The following GATA4 variants were observed in gnomAD, a reference collection of about 807,000 sequenced individuals.
The protein encoded by GATA4 is transcription factor GATA-4.
In GATA4, 7 loss-of-function variants were observed where a neutral mutation model predicts 37.9. That is an observed-to-expected ratio of 0.18 (90% CI 0.11 to 0.35). GATA4 has a LOEUF of 0.35. GATA4 is among the 10% of genes least tolerant of loss of function. GATA4 has a pLI of 1.00. For synonymous variants in GATA4, 372 were observed against 292.6 expected (o/e 1.27, Z -2.77); for missense variants, 647 against 653.0 (o/e 0.99, Z 0.10).
At chr8:11,728,423 C>T (rs758439079) in intron 2 of GATA4, among the ~76,000 whole-genome samples, 3 of 152,148 alleles carry the variant, frequency 2.0e-5, no homozygotes, top group African/African-American at 2.4e-5. Flanking sequence ...GGCTGGAGTG[C>T]GGTGCTGTGA....
Position 11,709,633 on chromosome 8 carries a change from C to G in GATA4, c.616+705C>G, listed in dbSNP as rs527630321. On this transcript the variant is annotated intron_variant, in intron 2 of 6. Coordinates refer to ENST00000532059, the MANE Select transcript of GATA4 (RefSeq NM_001308093.3). This position sits in a 1 kb window ranked among gnomAD's most constrained non-coding sequence, Gnocchi z 4.3. ...CGGGAACATAGGGACCTCAAACGCG[C>G]TTGTTCATGACACCCGAGTTAAATG... Among the ~76,000 whole-genome samples, 8 of 150,404 alleles carry G rather than the reference C, an allele frequency of 5.3e-5. No individual in the cohort carries two copies. The highest frequency in any genetic ancestry group is 1.9e-4 in the African/African-American group (8 of 41,294).
chr8:11,701,244 G>GAAAAA (rs56051265), upstream of GATA4, among the ~76,000 whole-genome samples: 31 of 126,388 alleles, frequency 2.5e-4, 1 homozygote, highest in East Asian at 9.7e-4. Context: ...CAGGTTCTTA[G>GAAAAA]AAAAAAAAAA....
chr8:11,680,278 G>A (rs1585540004), intron 1 of GATA4, among the ~76,000 whole-genome samples: 1 of 152,242 alleles, frequency 6.6e-6, no homozygotes, highest in Admixed American at 6.5e-5. Flanking sequence ...TGCCGGTGGA[G>A]CAGGCTACTT....
At chr8:11,692,755 C>T (rs1799358585) in intron 1 of GATA4, 7 of 982,838 alleles carry the variant, frequency 7.1e-6, no homozygotes, top group Non-Finnish European at 8.5e-6. Flanking sequence ...AGGGCGCGGA[C>T]GGACGGGGGG....
intron 1 of GATA4, chr8:11,680,996 C>A (rs918593499): frequency 1.1e-6 from 1 of 949,202 alleles, no homozygotes; most frequent in Admixed American, 6.2e-5. Flanking sequence ...TGCAGAGAGA[C>A]CCCGCACCCC....
upstream of GATA4, chr8:11,691,871 G>C (rs1410800157): frequency 9.0e-6 from 2 of 221,628 alleles, no homozygotes; most frequent in Non-Finnish European, 1.5e-5. Flanking sequence ...GAAGAATTTA[G>C]GACCTTTCCC....
intron 2 of GATA4, among the ~76,000 whole-genome samples, chr8:11,716,922 T>A (rs1455821363): frequency 6.6e-6 from 1 of 152,258 alleles, no homozygotes; most frequent in Non-Finnish European, 1.5e-5. Context: ...TTTCCTTTCC[T>A]TGTTCCAGAA....
chr8:11,696,666 G>T (rs893290891), intron 1 of GATA4, among the ~76,000 whole-genome samples: 11 of 152,206 alleles, frequency 7.2e-5, no homozygotes, highest in African/African-American at 2.7e-4. Context: ...TAGTATATCT[G>T]CTGGGGCATG....
chr8:11,750,327 T>A, intron 4 of GATA4, 91 bp downstream of exon 4: 1 of 1,544,260 alleles, frequency 6.5e-7, no homozygotes, highest in Non-Finnish European at 8.8e-7. Flanking sequence ...CTAGCATTCA[T>A]TTTTCCTTCT....
chr8:11,705,147 C>T (rs1275829459), intron 1 of GATA4, among the ~76,000 whole-genome samples: 1 of 152,164 alleles, frequency 6.6e-6, no homozygotes, highest in Non-Finnish European at 1.5e-5. Flanking sequence ...GGTGGGGGAC[C>T]CGCGGCCGAT....
rs1298050798 is a variant in GATA4, at chr8:11,714,977, C to G, written c.616+6049C>G. On this transcript the variant is annotated intron_variant, in intron 2 of 6. Coordinates refer to ENST00000532059, the MANE Select transcript of GATA4 (RefSeq NM_001308093.3). ...TCTAGGGATTTGTTCCACAAGCACACCGGCACATATTAATTTCAGCATTGC... is the reference window on the plus strand; with the variant it reads ...TCTAGGGATTTGTTCCACAAGCACAGCGGCACATATTAATTTCAGCATTGC... Among the ~76,000 whole-genome samples, 43 of 152,084 alleles carry G rather than the reference C, an allele frequency of 2.8e-4. 1 individual carries two copies. The highest frequency in any genetic ancestry group is 4.8e-5 in the African/African-American group (2 of 41,400).
intron 2 of GATA4, among the ~76,000 whole-genome samples, chr8:11,732,571 G>C (rs1801261742): frequency 6.6e-6 from 1 of 152,210 alleles, no homozygotes; most frequent in Non-Finnish European, 1.5e-5. Context: ...GGATAAAATA[G>C]ATAATTCAAG....
intron 2 of GATA4, among the ~76,000 whole-genome samples, chr8:11,740,206 G>A (rs1250455740): frequency 3.9e-5 from 6 of 152,332 alleles, no homozygotes; most frequent in African/African-American, 1.4e-4. Flanking sequence ...TTTTCTGGAA[G>A]GGGGCAAGTC....
intron 2 of GATA4, among the ~76,000 whole-genome samples, chr8:11,737,198 C>G (rs1162817051): frequency 6.6e-6 from 1 of 151,994 alleles, no homozygotes; most frequent in Non-Finnish European, 1.5e-5. Flanking sequence ...TACACCCTTG[C>G]TCGCCTCCTC....
chr8:11,701,919 G>A (rs1799690010), upstream of GATA4, among the ~76,000 whole-genome samples: 1 of 152,134 alleles, frequency 6.6e-6, no homozygotes, highest in Non-Finnish European at 1.5e-5. Context: ...CAGGTAATCT[G>A]GGGTTCCTTG....
rs376474635 is a variant in GATA4 at position 11,750,673 on chromosome 8, C to G, written c.912+437C>G. 1.7e-4 allele frequency among the ~76,000 whole-genome samples: 26 copies of G among 150,638 alleles called. No individual in the cohort carries two copies. In the East Asian group the frequency reaches 3.7e-3, roughly 21 times the overall value. ...TAAGGCCAGGCATCATGACTCATGC[C>G]TGTAATTGCAGCACTTTGGGAGGCT... is the stretch of plus-strand genomic sequence containing the variant. On this transcript the variant is annotated intron_variant, in intron 4 of 6. Transcript: ENST00000532059.
rs568219528 is a variant in GATA4, at chr8:11,734,698, C to T, written c.617-14218C>T. 3.3e-5 allele frequency among the ~76,000 whole-genome samples: 5 copies of T among 152,248 alleles called. No homozygotes were observed. The South Asian group carries it at 1.0e-3, about 32-fold the overall frequency. On this transcript the variant is annotated intron_variant, in intron 2 of 6. Coordinates refer to ENST00000532059, the MANE Select transcript of GATA4 (RefSeq NM_001308093.3). ...GATGGGGGGGTTTCACCATGTTGGTCAGTCTGGTCTCGAACTCTTGACCTC... is the reference window on the plus strand; with the variant it reads ...GATGGGGGGGTTTCACCATGTTGGTTAGTCTGGTCTCGAACTCTTGACCTC...
chr8:11,692,233 G>C (rs1198012265), upstream of GATA4, among the ~76,000 whole-genome samples: 1 of 152,172 alleles, frequency 6.6e-6, no homozygotes, highest in Non-Finnish European at 1.5e-5. Flanking sequence ...AGGTGGAACT[G>C]GGGGAAACTG....
intron 2 of GATA4, among the ~76,000 whole-genome samples, chr8:11,724,477 A>C (rs1800821455): frequency 6.6e-6 from 1 of 152,174 alleles, no homozygotes; most frequent in Non-Finnish European, 1.5e-5. Flanking sequence ...CAACATCTCC[A>C]ACGTAATTCT....
Sources: gnomAD v4.1 joint callset for allele counts (sites outside exome capture counted in the v4.1 genomes callset) on GRCh38, gnomAD v4.1.1 for gene constraint, Gnocchi (gnomAD v3.1) non-coding constraint, MANE v1.5 for transcripts, NCBI Gene and HGNC (gene_info 2026-07-23, HGNC 2026-07-21) for gene names.